GRAMD2B: variants seen among roughly 807,000 people sequenced by gnomAD.
GRAMD2B encodes the protein GRAM domain containing 2B, also known as GRAM domain-containing protein 2B.
In GRAMD2B, 41 loss-of-function variants were observed where a neutral mutation model predicts 59.2. The observed-to-expected ratio is 0.69, with a 90% CI of 0.54 to 0.90. The LOEUF is 0.90. GRAMD2B is among the 40% of genes least tolerant of loss of function. The pLI is 0.00. For synonymous variants in GRAMD2B, 161 were observed against 182.7 expected, an observed-to-expected ratio of 0.88 and a Z score of 0.96; for missense variants, 424 against 500.5, an observed-to-expected ratio of 0.85 and a Z score of 1.46.
intron 9 of GRAMD2B, among the ~76,000 whole-genome samples, chr5:126,483,921 C>G (rs981230895): frequency 2.0e-4 from 31 of 152,210 alleles, no homozygotes; most frequent in Non-Finnish European, 4.3e-4. Flanking sequence ...CTCCACCCCC[C>G]GGGTTCAAGC....
chr5:126,439,935 T>C (rs542536714), intron 1 of GRAMD2B, among the ~76,000 whole-genome samples: 7 of 152,298 alleles, frequency 4.6e-5, no homozygotes, highest in African/African-American at 1.7e-4. Context: ...TGCCACCATG[T>C]AAGACGTGCC....
chr5:126,360,193 A>G (rs1212633258), exon 1 of GRAMD2B: 7 of 987,478 alleles, frequency 7.1e-6, no homozygotes, highest in East Asian at 2.7e-5. Context: ...GCTGAAAGAG[A>G]AAACTTCTGA....
At chr5:126,472,112 T>G in intron 3 of GRAMD2B, 126 bp from the exon 4 acceptor site, 1 of 696,970 alleles carries the variant, frequency 1.4e-6, no homozygotes, top group Non-Finnish European at 2.6e-6. Flanking sequence ...TCAGAGACTG[T>G]AAGATCAGTG....
At chr5:126,440,183 C>G (rs1230759311) in intron 1 of GRAMD2B, among the ~76,000 whole-genome samples, 1 of 152,022 alleles carries the variant, frequency 6.6e-6, no homozygotes, top group African/African-American at 2.4e-5. Context: ...ACCCAGAAAT[C>G]GATTTAATAA....
At chr5:126,405,139 G>A (rs1476597608) in intron 1 of GRAMD2B, among the ~76,000 whole-genome samples, 1 of 151,822 alleles carries the variant, frequency 6.6e-6, no homozygotes, top group East Asian at 1.9e-4. Flanking sequence ...TGCAGAATAA[G>A]GTGAGGAGGT....
upstream of GRAMD2B, among the ~76,000 whole-genome samples, chr5:126,368,943 A>G (rs1184938411): frequency 6.6e-6 from 1 of 152,058 alleles, no homozygotes; most frequent in Non-Finnish European, 1.5e-5. Flanking sequence ...ATGGCCATCG[A>G]GCTCATCTTT....
intron 1 of GRAMD2B, among the ~76,000 whole-genome samples, chr5:126,425,118 T>C (rs1175127163): frequency 1.3e-5 from 2 of 152,200 alleles, no homozygotes; most frequent in African/African-American, 4.8e-5. Context: ...TGCACATCTT[T>C]TATAGCCAAA....
intron 1 of GRAMD2B, among the ~76,000 whole-genome samples, chr5:126,434,900 C>A (rs182474901): frequency 2.3e-4 from 35 of 152,236 alleles, no homozygotes; most frequent in African/African-American, 8.4e-4. Flanking sequence ...TGGTTTACTC[C>A]CTGAGAAGTT....
intron 1 of GRAMD2B, among the ~76,000 whole-genome samples, chr5:126,395,618 A>G (rs1269821022): frequency 6.6e-6 from 1 of 152,228 alleles, no homozygotes; most frequent in Non-Finnish European, 1.5e-5. Flanking sequence ...GAATCCAAAA[A>G]AATCTATTAG....
At chr5:126,466,531 T>C (rs1024531136) in intron 2 of GRAMD2B, among the ~76,000 whole-genome samples, 2 of 152,060 alleles carry the variant, frequency 1.3e-5, no homozygotes, top group African/African-American at 4.8e-5. Context: ...GTTCAAGCGA[T>C]TCTCCTCCCT....
upstream of GRAMD2B, among the ~76,000 whole-genome samples, chr5:126,420,299 T>C (rs1164055951): frequency 6.6e-6 from 1 of 152,220 alleles, no homozygotes; most frequent in Non-Finnish European, 1.5e-5. Flanking sequence ...TTATTGTTTA[T>C]CTGCCGTGCC....
chr5:126,420,255 A>T (rs1193402977), upstream of GRAMD2B, among the ~76,000 whole-genome samples: 1 of 151,988 alleles, frequency 6.6e-6, no homozygotes, highest in African/African-American at 2.4e-5. Flanking sequence ...ATAATCTTAC[A>T]TCTCTATTTT....
intron 9 of GRAMD2B, among the ~76,000 whole-genome samples, chr5:126,484,121 C>T (rs1413309295): frequency 6.6e-6 from 1 of 152,240 alleles, no homozygotes; most frequent in Non-Finnish European, 1.5e-5. Flanking sequence ...AGCCACCGCA[C>T]CGGCCTATTT....
chr5:126,383,211 A>T (rs895731107), intron 1 of GRAMD2B, among the ~76,000 whole-genome samples: 4 of 152,184 alleles, frequency 2.6e-5, no homozygotes, highest in African/African-American at 9.7e-5. Context: ...AAAGCTTTTG[A>T]TTTTTGAACA....
intron 1 of GRAMD2B, among the ~76,000 whole-genome samples, chr5:126,461,847 A>G (rs1473131270): frequency 6.6e-6 from 1 of 152,220 alleles, no homozygotes; most frequent in African/African-American, 2.4e-5. Flanking sequence ...CTAATAGGTG[A>G]AGTCAGGTTT....
At chr5:126,432,877 G>A (rs1209174342) in intron 1 of GRAMD2B, among the ~76,000 whole-genome samples, 4 of 152,190 alleles carry the variant, frequency 2.6e-5, no homozygotes, top group Admixed American at 2.6e-4. Flanking sequence ...CAAAATATCA[G>A]ACCTTGCATC....
intron 1 of GRAMD2B, among the ~76,000 whole-genome samples, chr5:126,444,742 G>A (rs1330153315): frequency 6.6e-6 from 1 of 152,132 alleles, no homozygotes; most frequent in South Asian, 2.1e-4. Context: ...GGATGTGCAG[G>A]TTTGTTACAT....
At chr5:126,377,846 C>T (rs1248966226) in intron 1 of GRAMD2B, among the ~76,000 whole-genome samples, 1 of 152,132 alleles carries the variant, frequency 6.6e-6, no homozygotes, top group Middle Eastern at 3.2e-3. Context: ...TTGAAATGTA[C>T]AGAGCCAGAA....
intron 1 of GRAMD2B, among the ~76,000 whole-genome samples, chr5:126,375,471 A>G (rs1370028904): frequency 6.6e-6 from 1 of 151,400 alleles, no homozygotes; most frequent in Non-Finnish European, 1.5e-5. Flanking sequence ...CTGGGTTCAC[A>G]CCATTCTCCT....
Sources: gnomAD v4.1 joint callset for allele counts (sites outside exome capture counted in the v4.1 genomes callset) on GRCh38, gnomAD v4.1.1 for gene constraint, MANE v1.5 for transcripts, NCBI Gene and HGNC (gene_info 2026-07-23, HGNC 2026-07-21) for gene names.